SUGP1: variants seen among roughly 807,000 people sequenced by gnomAD.
SUGP1 encodes the protein SURP and G-patch domain containing 1.
SUGP1 carries 34 observed loss-of-function variants against 76.5 expected under a neutral mutation model. The observed-to-expected ratio is 0.44, with a 90% CI of 0.34 to 0.59. The LOEUF (loss-of-function observed/expected upper bound fraction) is 0.59, where lower values mean the gene tolerates loss of function less well. Among genes scored for constraint, SUGP1 ranks in the 20% least tolerant of loss-of-function variants. The pLI, the probability that SUGP1 is intolerant of heterozygous loss-of-function variation, is 0.01. For missense variants in SUGP1, 752 were observed against 851.7 expected, an observed-to-expected ratio of 0.88 and a Z score of 1.46; for synonymous variants, 326 against 326.2, an observed-to-expected ratio of 1.00 and a Z score of 0.01.
intron 7 of SUGP1, among the ~76,000 whole-genome samples, chr19:19,298,358 C>T (rs758095676): frequency 1.1e-4 from 17 of 152,106 alleles, no homozygotes; most frequent in Non-Finnish European, 1.9e-4. Context: ...ATTAGCTGGG[C>T]GTGGTGGTAC....
At chr19:19,301,359 C>A (rs1300380287) in intron 7 of SUGP1, among the ~76,000 whole-genome samples, 1 of 152,192 alleles carries the variant, frequency 6.6e-6, no homozygotes, top group Non-Finnish European at 1.5e-5. Context: ...GTTCCCAGCC[C>A]CCATGTTCCC....
intron 1 of SUGP1, among the ~76,000 whole-genome samples, 198 bp from the exon 2 acceptor site, chr19:19,316,791 T>C (rs1170902379): frequency 6.6e-6 from 1 of 152,140 alleles, no homozygotes; most frequent in Non-Finnish European, 1.5e-5. Flanking sequence ...AACACAGGTC[T>C]CTGCCCACGT....
At chr19:19,277,489 A>T (rs1383188671) in intron 12 of SUGP1, among the ~76,000 whole-genome samples, 1 of 152,032 alleles carries the variant, frequency 6.6e-6, no homozygotes, top group African/African-American at 2.4e-5. Context: ...CTGTACCCTC[A>T]CCCACCCCAT....
chr19:19,316,628 C>T (rs1448608684), intron 1 of SUGP1, 35 bp from the exon 2 acceptor site: 1 of 1,609,336 alleles, frequency 6.2e-7, no homozygotes. Flanking sequence ...GGAAATCACC[C>T]TTACTCCACA....
intron 3 of SUGP1, among the ~76,000 whole-genome samples, chr19:19,309,440 C>T (rs2061338582): frequency 6.6e-6 from 1 of 152,022 alleles, no homozygotes. Context: ...GCTATGATTG[C>T]ACTACTGCAT....
At chr19:19,319,567 AAC>A (rs1304327513) in intron 1 of SUGP1, among the ~76,000 whole-genome samples, 3 of 151,622 alleles carry the variant, frequency 2.0e-5, no homozygotes, top group African/African-American at 4.8e-5. Flanking sequence ...CAACACAAAA[AAC>A]ACACAAATTC....
At chr19:19,294,524 A>AAAC (rs745352784) in intron 8 of SUGP1, among the ~76,000 whole-genome samples, 254 of 151,962 alleles carry the variant, frequency 1.7e-3, no homozygotes, top group Non-Finnish European at 3.0e-3. Flanking sequence ...AAAAAAAAAA[A>AAAC]AAACCCAAAA....
At chr19:19,288,051 C>T (rs919527892) in intron 8 of SUGP1, among the ~76,000 whole-genome samples, 2 of 152,082 alleles carry the variant, frequency 1.3e-5, no homozygotes, top group African/African-American at 4.8e-5. Context: ...TCTCTTCCTC[C>T]CTTCTTTTTT....
At chr19:19,306,165 G>A in intron 3 of SUGP1, 89 bp from the exon 4 acceptor site, 1 of 1,300,392 alleles carries the variant, frequency 7.7e-7, no homozygotes, top group Non-Finnish European at 1.0e-6. Context: ...GGGCCCCGGG[G>A]GAGCTGGGTC....
chr19:19,279,458 C>T, intron 9 of SUGP1, 68 bp from the exon 10 acceptor site: 1 of 1,482,566 alleles, frequency 6.7e-7, no homozygotes, highest in Non-Finnish European at 9.0e-7. Flanking sequence ...GCTCCTGCTC[C>T]CCGCCTCCAG....
intron 6 of SUGP1, 111 bp from the exon 7 acceptor site, chr19:19,302,499 G>GA: frequency 2.1e-6 from 3 of 1,451,446 alleles, no homozygotes; most frequent in Non-Finnish European, 2.8e-6. Flanking sequence ...GATGCAAAGA[G>GA]AAACAGGCAA....
rs1286973356 is a variant in SUGP1, at chr19:19,302,277, T to G, written c.875A>C (p.Asn292Thr). 6.2e-7 allele frequency: 1 copy of G among 1,614,056 alleles called. No individual in the cohort carries two copies. Among genetic ancestry groups the G allele is most frequent in the Non-Finnish European group, 8.5e-7 (1 of 1,180,018 alleles). ...GGGCCCCCCTTACCTGAATGCCTGG[T>G]TCTCACGGTTGTTCTGGAGGGCAAT... The part of the protein sequence containing the change: ...ETIALQNNRE[N>T]QAFSFLYEPN... Residue 292 changes from asparagine (N) to threonine (T), a missense_variant, in exon 7 of 14, where the codon AAC becomes ACC. Physicochemically the swap from Asn to Thr is moderately conservative, Grantham distance 65 (BLOSUM62 0). Around this residue, in one of 2 missense-constraint regions of SUGP1, gnomAD observed 620 missense variants for 617.3 expected, o/e 1.00. Transcript: ENST00000247001.
At chr19:19,289,331 G>T (rs1293860585) in intron 8 of SUGP1, among the ~76,000 whole-genome samples, 1 of 151,974 alleles carries the variant, frequency 6.6e-6, no homozygotes, top group African/African-American at 2.4e-5. Context: ...GCCGGGCATG[G>T]TGGCTCACAC....
At chr19:19,303,527 A>G in intron 5 of SUGP1, 79 bp from the exon 6 acceptor site, 1 of 1,425,786 alleles carries the variant, frequency 7.0e-7, no homozygotes, top group East Asian at 2.3e-5. Flanking sequence ...TCTATCGTGC[A>G]AAAAAAGGCA....
chr19:19,316,241 A>C, intron 2 of SUGP1, 181 bp downstream of exon 2: 1 of 741,956 alleles, frequency 1.3e-6, no homozygotes, highest in Non-Finnish European at 2.1e-6. Context: ...CTGGGCTTCC[A>C]CATACCCCTC....
rs368258627 is a variant in SUGP1, at chr19:19,279,195, C to A, written c.1528+18G>T. On this transcript the variant is annotated intron_variant, in intron 10 of 13. Transcript: ENST00000247001. ...GCCATGCCCAGCCCAGCCCGGCCCA[C>A]CCCGCTGCCCCACATACCCCTGGTC... 2.2e-4 allele frequency: 341 copies of A among 1,565,642 alleles called. 1 individual carries two copies. Among genetic ancestry groups the A allele is most frequent in the African/African-American group, 4.0e-5 (3 of 74,124 alleles).
At chr19:19,297,882 T>A (rs1454183461) in intron 7 of SUGP1, among the ~76,000 whole-genome samples, 1 of 152,148 alleles carries the variant, frequency 6.6e-6, no homozygotes, top group Non-Finnish European at 1.5e-5. Context: ...GCACAGGTCT[T>A]CTCTGTCCCT....
At chr19:19,297,400 A>ATTCTGGGCAGGTGCAGTTCTGGCC in intron 7 of SUGP1, 56 bp from the exon 8 acceptor site, 2 of 1,349,532 alleles carry the variant, frequency 1.5e-6, no homozygotes, top group Non-Finnish European at 2.0e-6. Context: ...CCTGTCCCTG[A>ATTCTGGGCAGGTGCAGTTCTGGCC]TTCTGGGCAG....
At chr19:19,302,899 C>A (rs1045130382) in intron 6 of SUGP1, among the ~76,000 whole-genome samples, 1 of 152,160 alleles carries the variant, frequency 6.6e-6, no homozygotes, top group African/African-American at 2.4e-5. Context: ...CCCTGAAATT[C>A]ATCCCATCAG....
Sources: allele counts gnomAD v4.1 joint callset (sites outside exome capture counted in the v4.1 genomes callset), GRCh38; gene constraint gnomAD v4.1.1; regional missense constraint gnomAD v4.1.1; transcripts MANE v1.5; gene names NCBI Gene and HGNC (gene_info 2026-07-23, HGNC 2026-07-21).